Variants in DLG2 observed in about 807,000 individuals in gnomAD.
The protein encoded by DLG2 is discs large MAGUK scaffold protein 2.
DLG2 carries 45 observed loss-of-function variants against 132.5 expected under a neutral mutation model. That is an observed-to-expected ratio of 0.34 (90% CI 0.27 to 0.44). The LOEUF is 0.44. Among genes scored for constraint, DLG2 ranks in the 20% least tolerant of loss-of-function variants. The pLI, the probability that DLG2 is intolerant of heterozygous loss-of-function variation, is 1.00. For missense variants in DLG2, 1,045 were observed against 1,196.9 expected (o/e 0.87, Z 1.87); for synonymous variants, 424 against 419.6 (o/e 1.01, Z -0.13).
chr11:83,881,245 T>C (rs192519849), intron 15 of DLG2, among the ~76,000 whole-genome samples: 2 of 152,170 alleles, frequency 1.3e-5, no homozygotes, highest in Non-Finnish European at 2.9e-5. Flanking sequence ...TGCTGAATTT[T>C]ATTGCTAAGC....
intron 8 of DLG2, among the ~76,000 whole-genome samples, chr11:84,233,332 C>T (rs543740683): frequency 7.2e-5 from 11 of 152,248 alleles, no homozygotes; most frequent in African/African-American, 2.6e-4. Flanking sequence ...CAGAGCGTCC[C>T]TTCTAGCAAA....
intron 14 of DLG2, among the ~76,000 whole-genome samples, chr11:83,960,697 C>A (rs975226734): frequency 1.3e-5 from 2 of 151,322 alleles, no homozygotes; most frequent in Non-Finnish European, 1.5e-5. Flanking sequence ...ATTTGTGCAT[C>A]TCTAGTGCAG....
At chr11:85,429,434 G>A (rs2091009005) in intron 3 of DLG2, among the ~76,000 whole-genome samples, 2 of 152,242 alleles carry the variant, frequency 1.3e-5, no homozygotes, top group South Asian at 4.2e-4. Context: ...CCTACAGAAT[G>A]GGAGAAAATT....
intron 7 of DLG2, among the ~76,000 whole-genome samples, chr11:84,407,510 C>T (rs1487127650): frequency 6.6e-6 from 1 of 152,156 alleles, no homozygotes; most frequent in African/African-American, 2.4e-5. Context: ...CCAAAAACCT[C>T]TGGACCTAGG....
intron 7 of DLG2, among the ~76,000 whole-genome samples, chr11:84,313,068 C>T (rs1230678491): frequency 6.6e-6 from 1 of 152,022 alleles, no homozygotes; most frequent in Non-Finnish European, 1.5e-5. Context: ...CCTCAGCTCC[C>T]AAAGTGCTGG....
rs564550539 is a variant in DLG2, at chr11:84,946,339, C to G, written c.357+165322G>C. ...TGCTCTGGGTCACACCTGAAGCCAG[C>G]CCAGCAATGAGTCTCACCCAAGGCC... On this transcript the variant is annotated intron_variant, in intron 6 of 27. Coordinates refer to ENST00000376104, the MANE Select transcript of DLG2 (RefSeq NM_001142699.3). Among the ~76,000 whole-genome samples, 571 of 152,208 alleles carry G rather than the reference C, an allele frequency of 3.8e-3. 5 individuals are homozygous for G. Among genetic ancestry groups the G allele is most frequent in the Non-Finnish European group, 6.0e-3 (411 of 68,002 alleles).
At chr11:84,737,035 C>G (rs577495869) in intron 6 of DLG2, among the ~76,000 whole-genome samples, 1 of 151,232 alleles carries the variant, frequency 6.6e-6, no homozygotes, top group East Asian at 1.9e-4. Flanking sequence ...AAGAAATTCC[C>G]TTCTATTTAT....
chr11:84,184,123 T>C (rs186858813), intron 8 of DLG2, among the ~76,000 whole-genome samples: 9,857 of 152,276 alleles, frequency 0.065, 394 homozygotes, highest in African/African-American at 0.1. Flanking sequence ...ATGGTATTTT[T>C]AGTTCTAGAT....
chr11:84,547,261 G>A (rs1287993488), intron 6 of DLG2, among the ~76,000 whole-genome samples: 1 of 152,018 alleles, frequency 6.6e-6, no homozygotes, highest in African/African-American at 2.4e-5. Flanking sequence ...AAAAACTAAA[G>A]GAAAAATTTT....
intron 6 of DLG2, among the ~76,000 whole-genome samples, chr11:84,862,957 A>G (rs2083985347): frequency 1.3e-5 from 2 of 151,952 alleles, no homozygotes; most frequent in African/African-American, 4.8e-5. Flanking sequence ...CATCTATCCC[A>G]GAACTTAAAG....
At chr11:84,045,911 C>T (rs1333261513) in intron 11 of DLG2, among the ~76,000 whole-genome samples, 1 of 151,416 alleles carries the variant, frequency 6.6e-6, no homozygotes, top group African/African-American at 2.4e-5. Flanking sequence ...TCCGCTGTAG[C>T]CGTAGAAAGC....
intron 3 of DLG2, among the ~76,000 whole-genome samples, chr11:85,583,130 GTATATATATA>G (rs3068386): frequency 0.05 from 674 of 13,596 alleles, 21 homozygotes; most frequent in Admixed American, 0.1. Context: ...GTGTGTGTGT[GTATATATATA>G]TATATATATA....
intron 6 of DLG2, among the ~76,000 whole-genome samples, chr11:84,992,306 T>C (rs747943496): frequency 2.1e-4 from 32 of 152,208 alleles, no homozygotes; most frequent in Non-Finnish European, 4.1e-4. Flanking sequence ...GTTTGTCTCC[T>C]CCATTAGACC....
At chr11:84,952,297 G>A (rs1022986348) in intron 6 of DLG2, among the ~76,000 whole-genome samples, 1 of 152,184 alleles carries the variant, frequency 6.6e-6, no homozygotes, top group South Asian at 2.1e-4. Context: ...TGTAATCCCA[G>A]CACTTTGGGA....
intron 6 of DLG2, among the ~76,000 whole-genome samples, chr11:84,590,761 GAAT>G (rs2099540833): frequency 6.6e-6 from 1 of 152,080 alleles, no homozygotes; most frequent in African/African-American, 2.4e-5. Flanking sequence ...ATATAGCTGT[GAAT>G]AATGCAGAAG....
rs576166355 is a variant in DLG2, at chr11:84,371,259, C to CT, written c.520-119969dup. ...AAAAAATACATGTAGTATACAAAAT[C>CT]TTTTTTTTTTTTTTTTGATAGCCTC... is the stretch of plus-strand genomic sequence containing the variant. On this transcript the variant is annotated intron_variant, in intron 7 of 27. Coordinates refer to ENST00000376104, the MANE Select transcript of DLG2 (RefSeq NM_001142699.3). 4.4e-3 allele frequency among the ~76,000 whole-genome samples: 611 copies of CT among 137,716 alleles called. 2 individuals carry two copies. The highest frequency in any genetic ancestry group is 0.011 in the Middle Eastern group (3 of 282). 90.3% of individuals were successfully genotyped at this position (137,716 alleles called of 152,430 possible). A position where few individuals can be genotyped will look rare whatever the true frequency, so the allele number is the denominator to read the frequency against.
chr11:84,883,181 C>A (rs539886338), intron 6 of DLG2, among the ~76,000 whole-genome samples: 1 of 152,082 alleles, frequency 6.6e-6, no homozygotes, highest in Non-Finnish European at 1.5e-5. Context: ...AAGCTGGAAA[C>A]CATCATTCTC....
chr11:85,223,495 C>T (rs769017950), intron 4 of DLG2, among the ~76,000 whole-genome samples: 1 of 151,762 alleles, frequency 6.6e-6, no homozygotes, highest in Non-Finnish European at 1.5e-5. Context: ...ATATATATAG[C>T]GAGGCGTGCT....
intron 7 of DLG2, among the ~76,000 whole-genome samples, chr11:84,462,009 T>C (rs1034945018): frequency 3.3e-5 from 5 of 151,010 alleles, no homozygotes; most frequent in East Asian, 1.9e-4. Context: ...ATCAAGATCC[T>C]TGGCGAAATG....
Sources: gnomAD v4.1 joint callset for allele counts (sites outside exome capture counted in the v4.1 genomes callset) on GRCh38, gnomAD v4.1.1 for gene constraint, MANE v1.5 for transcripts, NCBI Gene and HGNC (gene_info 2026-07-23, HGNC 2026-07-21) for gene names.